The following CLSTN2 variants were observed in gnomAD, a reference collection of about 807,000 sequenced individuals.
The protein encoded by CLSTN2 is calsyntenin 2.
In CLSTN2, 48 loss-of-function variants were observed where a neutral mutation model predicts 101.2. That is an observed-to-expected ratio of 0.47 (90% CI 0.38 to 0.60). The LOEUF (loss-of-function observed/expected upper bound fraction) is 0.60. Among genes scored for constraint, CLSTN2 ranks in the 20% least tolerant of loss-of-function variants. The probability of loss-of-function intolerance (pLI) is 0.00; values close to 1 mark genes in which losing one functional copy is unlikely to be tolerated. For missense variants in CLSTN2, 1,160 were observed against 1,238.2 expected, an observed-to-expected ratio of 0.94 and a Z score of 0.95; for synonymous variants, 481 against 463.6, an observed-to-expected ratio of 1.04 and a Z score of -0.48.
At chr3:140,301,242 T>C (rs1422929097) in intron 2 of CLSTN2, among the ~76,000 whole-genome samples, 3 of 152,222 alleles carry the variant, frequency 2.0e-5, no homozygotes, top group African/African-American at 4.8e-5. Context: ...CACAGTGTTA[T>C]AGCTATCAAT....
At chr3:140,221,948 A>G (rs1165665421) in intron 2 of CLSTN2, among the ~76,000 whole-genome samples, 2 of 152,172 alleles carry the variant, frequency 1.3e-5, no homozygotes, top group African/African-American at 4.8e-5. Context: ...ACCATATGAT[A>G]CAGCAGTCCA....
intron 1 of CLSTN2, among the ~76,000 whole-genome samples, chr3:140,040,702 T>G (rs57980652): frequency 0.12 from 18,926 of 152,112 alleles, 1,551 homozygotes; most frequent in African/African-American, 0.22. Flanking sequence ...AAAGAAAATA[T>G]AACACTTCTT....
In CLSTN2 at chr3:140,572,062, C is replaced by G. The variant is rs1477759299; in HGVS notation, c.*5809C>G. Reference sequence around the variant, plus strand: ...CATGTTTCCCTGACCATGAGGAGCTCTTGGCCTGTGAGCTGTTGGGATGTC... The same window carrying G: ...CATGTTTCCCTGACCATGAGGAGCTGTTGGCCTGTGAGCTGTTGGGATGTC... On this transcript the variant is annotated 3_prime_UTR_variant, in exon 17 of 17. Coordinates refer to ENST00000458420, the MANE Select transcript of CLSTN2 (RefSeq NM_022131.3). 3.9e-5 allele frequency: 6 copies of G among 152,378 alleles called. No homozygotes were observed. Among genetic ancestry groups the G allele is most frequent in the Non-Finnish European group, 8.8e-5 (6 of 68,164 alleles). 9.4% of individuals were successfully genotyped at this position (152,378 alleles called of 1,614,324 possible).
intron 8 of CLSTN2, among the ~76,000 whole-genome samples, chr3:140,497,519 G>A (rs1379474637): frequency 2.0e-5 from 3 of 152,146 alleles, no homozygotes; most frequent in African/African-American, 4.8e-5. Flanking sequence ...AATGGCGGCC[G>A]CCCCCACCTC....
rs1431778004 is a variant in CLSTN2, at chr3:139,954,323, T to C, written c.109+18840T>C. On this transcript the variant is annotated intron_variant, in intron 1 of 16. Transcript: ENST00000458420. The stretch of plus-strand genomic sequence containing the variant: ...GCATTTGGAGAATACTGTGTAGTCA[T>C]TGAACTCTCAGCGCTTGTGTGCAGC... Among the ~76,000 whole-genome samples the C allele has an allele frequency of 2.6e-5, 4 of 152,188 alleles. No homozygotes were observed. In the East Asian group the frequency reaches 5.8e-4, roughly 22 times the overall value.
At chr3:140,322,263 T>A (rs1346840005) in intron 2 of CLSTN2, among the ~76,000 whole-genome samples, 9 of 152,230 alleles carry the variant, frequency 5.9e-5, no homozygotes, top group Non-Finnish European at 8.8e-5. Context: ...AACACTGAGA[T>A]GGAAACCAAC....
At chr3:140,498,004 C>T (rs1395158909) in intron 8 of CLSTN2, among the ~76,000 whole-genome samples, 8 of 152,106 alleles carry the variant, frequency 5.3e-5, no homozygotes, top group Non-Finnish European at 1.0e-4. Flanking sequence ...CTCCATTGGT[C>T]GAGTCTTCCA....
At chr3:140,158,100 C>T (rs1272638672) in intron 1 of CLSTN2, among the ~76,000 whole-genome samples, 5 of 152,148 alleles carry the variant, frequency 3.3e-5, no homozygotes, top group African/African-American at 9.7e-5. Context: ...ACCAACATTA[C>T]ACTAAATGGG....
intron 1 of CLSTN2, among the ~76,000 whole-genome samples, chr3:139,987,339 T>C (rs1936042259): frequency 6.6e-6 from 1 of 152,202 alleles, no homozygotes; most frequent in Non-Finnish European, 1.5e-5. Flanking sequence ...GGAAGGAATA[T>C]TAGAAATGGA....
chr3:140,317,138 T>G (rs777196277), intron 2 of CLSTN2, among the ~76,000 whole-genome samples: 3 of 152,216 alleles, frequency 2.0e-5, no homozygotes, highest in Non-Finnish European at 2.9e-5. Context: ...TTTATAATGA[T>G]GCTAAGACCT....
intron 1 of CLSTN2, among the ~76,000 whole-genome samples, chr3:140,150,413 G>A (rs750252279): frequency 1.3e-5 from 2 of 152,126 alleles, no homozygotes; most frequent in Admixed American, 6.6e-5. Context: ...CAAAGTATAT[G>A]GTAAACCCAG....
intron 8 of CLSTN2, among the ~76,000 whole-genome samples, chr3:140,469,764 A>G (rs1037583192): frequency 9.2e-5 from 14 of 152,222 alleles, no homozygotes; most frequent in Non-Finnish European, 1.8e-4. Flanking sequence ...ATGTTTGCAT[A>G]ACAGTGAATG....
At chr3:139,954,773 T>A (rs111570669) in intron 1 of CLSTN2, among the ~76,000 whole-genome samples, 2,730 of 152,210 alleles carry the variant, frequency 0.018, 46 homozygotes, top group Non-Finnish European at 0.024. Context: ...TTCCCCTGTA[T>A]CCACCATAGC....
chr3:140,325,655 G>C (rs1046277329), intron 2 of CLSTN2, among the ~76,000 whole-genome samples: 1 of 152,300 alleles, frequency 6.6e-6, no homozygotes, highest in African/African-American at 2.4e-5. Flanking sequence ...GCAAGCATTA[G>C]GTCATAGCCT....
chr3:140,320,634 A>G (rs964179482), intron 2 of CLSTN2, among the ~76,000 whole-genome samples: 5 of 151,658 alleles, frequency 3.3e-5, no homozygotes, highest in African/African-American at 1.2e-4. Context: ...GGGTCAATAC[A>G]CATATTATTA....
rs570700898 is a variant in CLSTN2 at position 140,473,264 on chromosome 3, C to T, written c.1344+6533C>T. Among the ~76,000 whole-genome samples the T allele has an allele frequency of 2.0e-5, 3 of 152,334 alleles. No individual in the cohort carries two copies. In the East Asian group the frequency reaches 5.8e-4, roughly 29 times the overall value. On this transcript the variant is annotated intron_variant, in intron 8 of 16. Transcript: ENST00000458420. ...CCTGCTGCATGGCTTCTCCTCATTA[C>T]TCTCATGCCATGTCACCTTACCTGG...
At chr3:140,290,570 A>G (rs1275111314) in intron 2 of CLSTN2, among the ~76,000 whole-genome samples, 1 of 152,214 alleles carries the variant, frequency 6.6e-6, no homozygotes, top group Non-Finnish European at 1.5e-5. Context: ...TGAGAAGTTC[A>G]GTCTATGGGG....
intron 8 of CLSTN2, among the ~76,000 whole-genome samples, chr3:140,513,909 G>GTTGT (rs1934867037): frequency 6.6e-6 from 1 of 151,684 alleles, no homozygotes; most frequent in Non-Finnish European, 1.5e-5. Context: ...TTCTCTGATG[G>GTTGT]TTGTTTGCAT....
Position 140,556,671 on chromosome 3 carries a change from C to T in CLSTN2, c.1823+10C>T, listed in dbSNP as rs367655342. 48 of 1,613,236 alleles carry T rather than the reference C, an allele frequency of 3.0e-5. No homozygotes were observed. The East Asian group carries it at 4.7e-4, about 16-fold the overall frequency. On this transcript the variant is annotated intron_variant, in intron 11 of 16. Transcript: ENST00000458420. The stretch of plus-strand genomic sequence containing the variant: ...TATCCTCCAAAGTCCAGTGAGTGGA[C>T]GCTGGTCAGCCTGGGGCCAACTGAG...
Sources: allele counts gnomAD v4.1 joint callset (sites outside exome capture counted in the v4.1 genomes callset), GRCh38; gene constraint gnomAD v4.1.1; transcripts MANE v1.5; gene names NCBI Gene and HGNC (gene_info 2026-07-23, HGNC 2026-07-21).